Variants in KIF15 observed in about 807,000 individuals in gnomAD.
The protein encoded by KIF15 is kinesin family member 15.
Under a neutral mutation model 190.6 loss-of-function variants are expected in KIF15, and 140 were observed. The observed-to-expected ratio is 0.73, with a 90% CI of 0.64 to 0.84. The LOEUF (loss-of-function observed/expected upper bound fraction) is 0.84. Ranked by LOEUF, KIF15 falls within the 40% of genes least tolerant of loss-of-function variation. The pLI, the probability that KIF15 is intolerant of heterozygous loss-of-function variation, is 0.00. For synonymous variants in KIF15, 528 were observed against 551.3 expected, an observed-to-expected ratio of 0.96 and a Z score of 0.59; for missense variants, 1,372 against 1,584.4, an observed-to-expected ratio of 0.87 and a Z score of 2.28.
chr3:44,822,004 A>G (rs1247594595), intron 20 of KIF15, among the ~76,000 whole-genome samples: 1 of 152,084 alleles, frequency 6.6e-6, no homozygotes, highest in Non-Finnish European at 1.5e-5. Context: ...CGTGCCTGCA[A>G]TTGCAGGCAC....
At chr3:44,774,072 A>G (rs1335946784) in intron 1 of KIF15, among the ~76,000 whole-genome samples, 5 of 152,192 alleles carry the variant, frequency 3.3e-5, no homozygotes, top group African/African-American at 4.8e-5. Context: ...GCCACTCCAT[A>G]TTGATTTATT....
chr3:44,782,240 G>A (rs1393516042), intron 5 of KIF15, among the ~76,000 whole-genome samples: 2 of 151,966 alleles, frequency 1.3e-5, no homozygotes, highest in South Asian at 2.1e-4. Context: ...TAGTAGAGAC[G>A]GGGTGGGGGG....
At chr3:44,831,142 T>A in intron 26 of KIF15, 124 bp downstream of exon 26, 1 of 1,138,296 alleles carries the variant, frequency 8.8e-7, no homozygotes, top group Non-Finnish European at 1.2e-6. Context: ...ATACAGCTGA[T>A]GTGCCTCAAG....
At chr3:44,794,011 G>A (rs563054296) in intron 7 of KIF15, among the ~76,000 whole-genome samples, 1 of 151,622 alleles carries the variant, frequency 6.6e-6, no homozygotes, top group Admixed American at 6.6e-5. Context: ...CTCCCGAGTA[G>A]CTAGGACTAC....
At chr3:44,856,728 C>G (rs1158828776), downstream of KIF15, among the ~76,000 whole-genome samples, 1 of 152,172 alleles carries the variant, frequency 6.6e-6, no homozygotes, top group Non-Finnish European at 1.5e-5. Context: ...CAGTGTATGA[C>G]TCCAGCTTCC....
chr3:44,763,691 CT>C (rs112801334), intron 1 of KIF15, among the ~76,000 whole-genome samples: 216 of 145,540 alleles, frequency 1.5e-3, no homozygotes, highest in African/African-American at 2.9e-3. Context: ...CGATTCCCCC[CT>C]TTTTTTTTTT....
intron 5 of KIF15, 105 bp downstream of exon 5, chr3:44,781,027 C>T (rs1241891755): frequency 3.6e-6 from 3 of 832,494 alleles, no homozygotes; most frequent in South Asian, 3.4e-5. Flanking sequence ...ATGTTGATCT[C>T]TTGAAATTAG....
chr3:44,800,196 G>A lies in KIF15; in HGVS notation c.1099-118G>A, dbSNP rs1253849649. On this transcript the variant is annotated intron_variant, in intron 10 of 34. Coordinates refer to ENST00000326047, the MANE Select transcript of KIF15 (RefSeq NM_020242.3). ...ATTCCTGTGTCCTTTTGACTATGAT[G>A]TGGTCTTGAAGTTTTGTTTGATGTT... is the stretch of plus-strand genomic sequence containing the variant. The A allele has an allele frequency of 1.6e-5, 14 of 861,578 alleles. No individual in the cohort carries two copies. The South Asian group carries it at 2.0e-4, about 12-fold the overall frequency. 53.4% of individuals were successfully genotyped at this position (861,578 alleles called of 1,614,324 possible).
In KIF15 at chr3:44,800,334, C is replaced by T. The variant is rs1224052221; in HGVS notation, c.1119C>T (p.Thr373=). The T allele has an allele frequency of 9.3e-6, 15 of 1,613,550 alleles. No individual in the cohort carries two copies. The highest frequency in any genetic ancestry group is 1.3e-5 in the African/African-American group (1 of 74,788). ...AACAGGCAGTAGTAAATGAAGACAC[C>T]CAAGGAAATGTGAGCCAGCTCCAAG... ...IKNKAVVNED[T]QGNVSQLQAE... is the part of the protein sequence containing the mutation. The change falls in exon 11 of 35, where the codon ACC becomes ACT. Residue 373 remains threonine, a synonymous_variant. Transcript: ENST00000326047.
At chr3:44,824,653 C>G (rs896988496) in intron 20 of KIF15, among the ~76,000 whole-genome samples, 18 of 152,062 alleles carry the variant, frequency 1.2e-4, no homozygotes, top group Non-Finnish European at 2.4e-4. Context: ...TCTTAATTTC[C>G]TAATGTTTAT....
chr3:44,862,715 A>AG (rs1170258452), intron 6 of KIF15: 1 of 151,986 alleles, frequency 6.6e-6, no homozygotes, highest in Non-Finnish European at 1.5e-5. Context: ...GCGTCTGCTA[A>AG]GGTGTATCTC....
chr3:44,794,177 G>C, intron 7 of KIF15, 40 bp from the exon 8 acceptor site: 2 of 1,534,030 alleles, frequency 1.3e-6, no homozygotes, highest in South Asian at 1.2e-5. Context: ...CACTGTAACT[G>C]GTCCTCTCAT....
chr3:44,791,259 T>A (rs955109480), intron 7 of KIF15, among the ~76,000 whole-genome samples: 10 of 152,322 alleles, frequency 6.6e-5, no homozygotes, highest in East Asian at 1.9e-4. Context: ...GCATCTTTGG[T>A]GAATTGACTG....
intron 2 of KIF15, 119 bp from the exon 3 acceptor site, chr3:44,775,135 T>C: frequency 1.3e-6 from 1 of 775,254 alleles, no homozygotes; most frequent in African/African-American, 1.7e-5. Flanking sequence ...ATGGGATATG[T>C]CTTGGGCTTT....
chr3:44,811,042 A>G lies in KIF15; in HGVS notation c.2168A>G (p.Gln723Arg). 1.3e-6 allele frequency: 2 copies of G among 1,583,974 alleles called. No individual in the cohort carries two copies. The highest frequency in any genetic ancestry group is 1.7e-6 in the Non-Finnish European group (2 of 1,171,198). The change falls in exon 17 of 35, where the codon CAG becomes CGG. Residue 723 changes from glutamine to arginine, a missense_variant and splice_region_variant. Physicochemically the swap from Gln to Arg is conservative, Grantham distance 43. Coordinates refer to ENST00000326047, the MANE Select transcript of KIF15 (RefSeq NM_020242.3). ...ATTTCTGAAGAGCTTAGAACAGTGCAGGTAATGTTTTGTTCTAGAAAAAAT... is the reference window on the plus strand; with the variant it reads ...ATTTCTGAAGAGCTTAGAACAGTGCGGGTAATGTTTTGTTCTAGAAAAAAT... ...EAISEELRTVQEQMSALQAKL... is the reference protein window; with the variant it reads ...EAISEELRTVREQMSALQAKL...
At chr3:44,793,234 C>A (rs1416488238) in intron 7 of KIF15, among the ~76,000 whole-genome samples, 1 of 152,122 alleles carries the variant, frequency 6.6e-6, no homozygotes, top group Non-Finnish European at 1.5e-5. Flanking sequence ...AATAGTGGAG[C>A]CATGGTTTGA....
rs1404764054 is a variant in KIF15, at chr3:44,843,117, G to A, written c.3586-8G>A. On this transcript the variant is annotated splice_region_variant and splice_polypyrimidine_tract_variant and intron_variant, in intron 29 of 34. Transcript: ENST00000326047. ...GTTTTTTGAAAAGATACGATTTGAT[G>A]TTATTAGGAGCAGTTGCGTGAAATG... 3 of 1,597,836 alleles carry A rather than the reference G, an allele frequency of 1.9e-6. No homozygotes were observed. In the Admixed American group the frequency reaches 5.1e-5, roughly 27 times the overall value.
chr3:44,815,326 C>G (rs564149200), intron 20 of KIF15, among the ~76,000 whole-genome samples: 65 of 152,312 alleles, frequency 4.3e-4, no homozygotes, highest in South Asian at 1.0e-3. Flanking sequence ...TTATTCCCTC[C>G]TATTACTGAG....
intron 34 of KIF15, 41 bp from the exon 35 acceptor site, chr3:44,852,632 A>C (rs1249271831): frequency 7.0e-7 from 1 of 1,428,086 alleles, no homozygotes. Context: ...TAAGAATTAG[A>C]GCCTTATTTT....
Sources: gnomAD v4.1 joint callset for allele counts (sites outside exome capture counted in the v4.1 genomes callset) on GRCh38, gnomAD v4.1.1 for gene constraint, MANE v1.5 for transcripts, NCBI Gene and HGNC (gene_info 2026-07-23, HGNC 2026-07-21) for gene names.